Variants in PTPRN2 observed in about 807,000 individuals in gnomAD.
PTPRN2 encodes the protein protein tyrosine phosphatase receptor type N2.
In PTPRN2, 74 loss-of-function variants were observed where a neutral mutation model predicts 118.8. That is an observed-to-expected ratio of 0.62 (90% confidence interval 0.52 to 0.76). The LOEUF (loss-of-function observed/expected upper bound fraction) is 0.76. PTPRN2 is among the 30% of genes least tolerant of loss of function. The probability of loss-of-function intolerance (pLI) is 0.00; values close to 1 mark genes in which losing one functional copy is unlikely to be tolerated. For missense variants in PTPRN2, 1,481 were observed against 1,394.4 expected (o/e 1.06, Z -0.99); for synonymous variants, 641 against 608.0 (o/e 1.05, Z -0.80).
At chr7:157,963,338 G>A (rs569834899) in intron 11 of PTPRN2, among the ~76,000 whole-genome samples, 1 of 152,220 alleles carries the variant, frequency 6.6e-6, no homozygotes, top group Non-Finnish European at 1.5e-5. Context: ...GACAATACTG[G>A]AACTAATGGC....
intron 9 of PTPRN2, among the ~76,000 whole-genome samples, chr7:158,119,944 G>A (rs1297736618): frequency 6.6e-6 from 1 of 152,148 alleles, no homozygotes; most frequent in East Asian, 1.9e-4. Context: ...AAGCATGGGG[G>A]CAACTGAAGG....
chr7:157,782,906 A>G (rs1056080925), intron 12 of PTPRN2, among the ~76,000 whole-genome samples: 43 of 152,192 alleles, frequency 2.8e-4, no homozygotes, highest in African/African-American at 1.0e-3. Flanking sequence ...GCTGGCTAAC[A>G]TGGTCTGACT....
At chr7:157,864,226 A>G (rs1052765765) in intron 12 of PTPRN2, 1 of 152,258 alleles carries the variant, frequency 6.6e-6, no homozygotes, top group African/African-American at 2.4e-5. Context: ...AGCCTGGCCT[A>G]AGGCTCACTG....
chr7:158,557,203 C>A (rs797022740), intron 1 of PTPRN2, among the ~76,000 whole-genome samples: 1 of 137,422 alleles, frequency 7.3e-6, no homozygotes, highest in East Asian at 2.2e-4. Flanking sequence ...GCGGCTCCCA[C>A]GCAGGTCGCT....
At chr7:158,132,655 C>CAACA (rs202085284) in intron 9 of PTPRN2, among the ~76,000 whole-genome samples, 2,798 of 151,758 alleles carry the variant, frequency 0.018, 70 homozygotes, top group African/African-American at 0.057. Flanking sequence ...CACATCTACC[C>CAACA]TACACACTCA....
intron 3 of PTPRN2, among the ~76,000 whole-genome samples, chr7:158,205,973 G>A (rs1827111379): frequency 6.6e-6 from 1 of 152,158 alleles, no homozygotes; most frequent in Non-Finnish European, 1.5e-5. Context: ...GTGCTCTGGG[G>A]TCCTAAATAA....
At chr7:158,518,725 C>T (rs1428855442) in intron 1 of PTPRN2, among the ~76,000 whole-genome samples, 1 of 152,140 alleles carries the variant, frequency 6.6e-6, no homozygotes, top group Non-Finnish European at 1.5e-5. Flanking sequence ...TGGTTCATGC[C>T]TGTAATCCCA....
At chr7:158,188,179 CGCCCCGCG>C (rs1825351919) in intron 5 of PTPRN2, among the ~76,000 whole-genome samples, 2 of 130,188 alleles carry the variant, frequency 1.5e-5, no homozygotes, top group African/African-American at 2.7e-5. Flanking sequence ...CCGCCACGCT[CGCCCCGCG>C]ATGGGGAAGG....
In PTPRN2 at chr7:157,696,169, G is replaced by C. The variant is rs765240907; in HGVS notation, c.1789-13232C>G. Among the ~76,000 whole-genome samples the C allele has an allele frequency of 6.1e-5, 8 of 130,602 alleles. No individual in the cohort carries two copies. In the East Asian group the frequency reaches 1.8e-3, roughly 29 times the overall value. 85.7% of individuals were successfully genotyped at this position (130,602 alleles called of 152,430 possible). A position where few individuals can be genotyped will look rare whatever the true frequency, so the allele number is the denominator to read the frequency against. ...CTCACCATCTACCCATGCATACTGG[G>C]TCTTGGGAGAGCCCTCACCATCTAC... On this transcript the variant is annotated intron_variant, in intron 12 of 22. Transcript: ENST00000389418.
intron 1 of PTPRN2, among the ~76,000 whole-genome samples, chr7:158,575,312 T>G (rs73730447): frequency 0.016 from 2,369 of 152,346 alleles, 74 homozygotes; most frequent in African/African-American, 0.054. Context: ...ATTAAACAAA[T>G]GTTATATATT....
intron 11 of PTPRN2, among the ~76,000 whole-genome samples, chr7:157,943,632 C>T (rs1302856777): frequency 6.6e-6 from 1 of 151,862 alleles, no homozygotes; most frequent in Non-Finnish European, 1.5e-5. Context: ...AAACCCCCTC[C>T]CAAGATGCCA....
At position 158,538,545 on chromosome 7, in the gene PTPRN2, G is replaced by A. The variant is rs77994512; in HGVS notation, c.113-48760C>T. ...TAATGCGTGTGTGCCTCTCCCAGCC[G>A]TCACACATGGCGTCTCAAGTGCCCC... On this transcript the variant is annotated intron_variant, in intron 1 of 22. Transcript: ENST00000389418. Among the ~76,000 whole-genome samples the A allele has an allele frequency of 2.7e-3, 418 of 152,218 alleles. 6 individuals carry two copies. Among genetic ancestry groups the A allele is most frequent in the East Asian group, 0.023 (121 of 5,166 alleles).
At chr7:157,942,966 C>T (rs1360704341) in intron 11 of PTPRN2, among the ~76,000 whole-genome samples, 4 of 152,202 alleles carry the variant, frequency 2.6e-5, no homozygotes, top group African/African-American at 4.8e-5. Flanking sequence ...CATTTCCATG[C>T]CCTCACTTGA....
chr7:157,755,726 G>A (rs1004582589), intron 12 of PTPRN2, among the ~76,000 whole-genome samples: 1 of 152,140 alleles, frequency 6.6e-6, no homozygotes, highest in Non-Finnish European at 1.5e-5. Flanking sequence ...GACCCCCAGA[G>A]GGAGGGGGTA....
Position 157,616,992 on chromosome 7 carries a change from G to A in PTPRN2, c.2344+4370C>T, listed in dbSNP as rs1349459587. 2.6e-5 allele frequency: 4 copies of A among 152,250 alleles called. No homozygotes were observed. In the East Asian group the frequency reaches 5.8e-4, roughly 22 times the overall value. The allele number at this position is 152,250 out of a possible 1,614,324, so 9.4% of individuals were successfully genotyped here. A position where few individuals can be genotyped will look rare whatever the true frequency, so the allele number is the denominator to read the frequency against. On this transcript the variant is annotated intron_variant, in intron 15 of 22. Coordinates refer to ENST00000389418, the MANE Select transcript of PTPRN2 (RefSeq NM_002847.5). ...TCTGTAGAAGTTTGAAATGGACATG[G>A]ATTTTCCCAACACACACGCACAATC...
intron 10 of PTPRN2, among the ~76,000 whole-genome samples, chr7:158,092,894 A>C (rs1452829896): frequency 1.9e-4 from 29 of 152,192 alleles, no homozygotes; most frequent in Admixed American, 1.9e-3. Flanking sequence ...CCAAGAGAGC[A>C]CGCTGCTGTG....
chr7:157,626,770 T>A (rs973578802), intron 14 of PTPRN2, among the ~76,000 whole-genome samples: 1 of 152,248 alleles, frequency 6.6e-6, no homozygotes, highest in Non-Finnish European at 1.5e-5. Context: ...GTGATTTATA[T>A]TATAGGTAAA....
At position 157,749,917 on chromosome 7, in the gene PTPRN2, T is replaced by C. The variant is rs1409206954; in HGVS notation, c.1789-66980A>G. Among the ~76,000 whole-genome samples, 412 of 117,414 alleles carry C rather than the reference T, an allele frequency of 3.5e-3. 19 individuals carry two copies. Among genetic ancestry groups the C allele is most frequent in the Middle Eastern group, 0.015 (3 of 202 alleles). 77.0% of individuals were successfully genotyped at this position (117,414 alleles called of 152,430 possible). ...TCTGGGTGATTCTGAGGCCTGCATC[T>C]CTGAGCTGTGGGGTGTCCGGGTGAT... On this transcript the variant is annotated intron_variant, in intron 12 of 22. Transcript: ENST00000389418.
At chr7:158,369,442 A>AC (rs1189569417) in intron 2 of PTPRN2, among the ~76,000 whole-genome samples, 5 of 151,434 alleles carry the variant, frequency 3.3e-5, no homozygotes, top group Admixed American at 2.0e-4. Context: ...TCAGAACAGG[A>AC]CCCCCCCAAC....
Sources: gnomAD v4.1 joint callset for allele counts (sites outside exome capture counted in the v4.1 genomes callset) on GRCh38, gnomAD v4.1.1 for gene constraint, MANE v1.5 for transcripts, NCBI Gene and HGNC (gene_info 2026-07-23, HGNC 2026-07-21) for gene names.